The following CTSH variants were observed in gnomAD, a reference collection of about 807,000 sequenced individuals.
The protein encoded by CTSH is pro-cathepsin H.
CTSH carries 52 observed loss-of-function variants against 56.3 expected under a neutral mutation model. That is an observed-to-expected ratio of 0.92 (90% CI 0.74 to 1.16). The LOEUF (loss-of-function observed/expected upper bound fraction) is 1.16, where lower values mean the gene tolerates loss of function less well. Among genes scored for constraint, CTSH ranks in the 50% most tolerant of loss-of-function variants. The pLI, the probability that CTSH is intolerant of heterozygous loss-of-function variation, is 0.00. For synonymous variants in CTSH, 174 were observed against 155.7 expected (o/e 1.12, Z -0.88); for missense variants, 406 against 424.5 (o/e 0.96, Z 0.38).
chr15:78,931,762 G>A lies in CTSH; in HGVS notation c.493-256C>T, dbSNP rs539236083. ...AGGTGAGAGGGGGCAAGGGCTGTTG[G>A]GTCCAAACCCCTGCCCCGTAGGTGT... On this transcript the variant is annotated intron_variant, in intron 6 of 11. Transcript: ENST00000220166. 2.1e-6 allele frequency: 3 copies of A among 1,406,782 alleles called. No homozygotes were observed. In the South Asian group the frequency reaches 4.5e-5, roughly 21 times the overall value. The allele number at this position is 1,406,782 out of a possible 1,614,324, so 87.1% of individuals were successfully genotyped here.
intron 6 of CTSH, chr15:78,931,806 G>A: frequency 7.5e-7 from 1 of 1,341,032 alleles, no homozygotes; most frequent in Non-Finnish European, 9.6e-7. Context: ...GATGCAGAGT[G>A]TGGGGTCCCA....
Position 78,929,497 on chromosome 15 carries a change from CAAG to C in CTSH, c.549-7_549-5del, listed in dbSNP as rs1480520051. ...GAAAGCCTGGCTGGGGAGACCCCTG[CAAG>C]AAGTACACACAGGTGAGCCCACCTG... On this transcript the variant is annotated splice_polypyrimidine_tract_variant and splice_region_variant and intron_variant, in intron 7 of 11. Transcript: ENST00000220166. 1.2e-6 allele frequency: 2 copies of C among 1,607,986 alleles called. No homozygotes were observed. The highest frequency in any genetic ancestry group is 8.5e-7 in the Non-Finnish European group (1 of 1,176,744).
At chr15:78,935,873 CCTTT>C in intron 3 of CTSH, 123 bp from the exon 4 acceptor site, 1 of 650,216 alleles carries the variant, frequency 1.5e-6, no homozygotes, top group Non-Finnish European at 2.7e-6. Context: ...CAACCCATCT[CCTTT>C]AAGTTTTTGT....
chr15:78,922,454 G>A (rs1265816013), intron 11 of CTSH, among the ~76,000 whole-genome samples: 5 of 152,126 alleles, frequency 3.3e-5, no homozygotes, highest in Admixed American at 2.6e-4. Flanking sequence ...ATTTACCGAG[G>A]GCCCCCTCTT....
chr15:78,922,959 C>G (rs1193823363), intron 11 of CTSH, 34 bp downstream of exon 11: 1 of 1,589,126 alleles, frequency 6.3e-7, no homozygotes, highest in South Asian at 1.2e-5. Flanking sequence ...GAGCAACATC[C>G]CCCTCCCAGA....
Position 78,922,208 on chromosome 15 carries a change from G to A in CTSH, c.933-3C>T. The A allele has an allele frequency of 6.4e-7, 1 of 1,571,908 alleles. No individual in the cohort carries two copies. Among genetic ancestry groups the A allele is most frequent in the South Asian group, 1.2e-5 (1 of 85,414 alleles). Reference sequence around the variant, plus strand: ...TTCCGCGCTCGATGAGGAAGTACCTGGGCAGAAAGAGGAGCTGAGGCCCGG... The same window carrying A: ...TTCCGCGCTCGATGAGGAAGTACCTAGGCAGAAAGAGGAGCTGAGGCCCGG... On this transcript the variant is annotated splice_region_variant and splice_polypyrimidine_tract_variant and intron_variant, in intron 11 of 11. Transcript: ENST00000220166.
intron 9 of CTSH, 96 bp from the exon 10 acceptor site, chr15:78,925,536 C>T (rs1257886701): frequency 3.8e-6 from 3 of 790,856 alleles, no homozygotes; most frequent in South Asian, 1.5e-5. Flanking sequence ...GCTAGAGGCC[C>T]AGAGCAGCAT....
At chr15:78,937,718 G>T (rs1395675987) in intron 2 of CTSH, 7 of 1,360,088 alleles carry the variant, frequency 5.1e-6, no homozygotes, top group Non-Finnish European at 1.9e-6. Flanking sequence ...GGACGCCACT[G>T]CTGGTGCTGG....
rs60228571 is a variant in CTSH, at chr15:78,922,960, C to G, written c.932+33G>C. ...GGGCCTCCAGGCCTGAGCAACATCCCCCTCCCAGAAGTGGGACCTGGGAGC... is the reference window on the plus strand; with the variant it reads ...GGGCCTCCAGGCCTGAGCAACATCCGCCTCCCAGAAGTGGGACCTGGGAGC... On this transcript the variant is annotated intron_variant, in intron 11 of 11. Transcript: ENST00000220166. 3,835 of 1,589,684 alleles carry G rather than the reference C, an allele frequency of 2.4e-3. 91 individuals carry two copies. In the African/African-American group the frequency reaches 0.047, roughly 19 times the overall value.
Position 78,923,392 on chromosome 15 carries a change from C to T in CTSH, c.807-274G>A, listed in dbSNP as rs187949824. ...GCAACCTTCACCTCCAGGGTTCAAA[C>T]GATTCTCCTGCCTCAGACTCCCGAG... On this transcript the variant is annotated intron_variant, in intron 10 of 11. Coordinates refer to ENST00000220166, the MANE Select transcript of CTSH (RefSeq NM_004390.5). Among the ~76,000 whole-genome samples the T allele has an allele frequency of 4.4e-4, 67 of 152,290 alleles. No homozygotes were observed. The East Asian group carries it at 0.013, about 29-fold the overall frequency.
chr15:78,942,178 C>CT (rs1328217765), intron 1 of CTSH, among the ~76,000 whole-genome samples: 1 of 151,224 alleles, frequency 6.6e-6, no homozygotes, highest in Non-Finnish European at 1.5e-5. Context: ...CCATGGTGCT[C>CT]TATCACTCAG....
At chr15:78,939,912 T>C (rs944248187) in intron 1 of CTSH, among the ~76,000 whole-genome samples, 1 of 152,070 alleles carries the variant, frequency 6.6e-6, no homozygotes, top group Non-Finnish European at 1.5e-5. Context: ...AACAAACCTA[T>C]CTATTCCAAG....
At position 78,936,531 on chromosome 15, in the gene CTSH, C is replaced by T. The variant is rs75346332; in HGVS notation, c.230-781G>A. ...ACTGGGCAGAAATGAGGTTCAAGCC[C>T]AAGTTTCTTTCCAGCTCATGCTTGA... On this transcript the variant is annotated intron_variant, in intron 3 of 11. Coordinates refer to ENST00000220166, the MANE Select transcript of CTSH (RefSeq NM_004390.5). Among the ~76,000 whole-genome samples, 336 of 152,190 alleles carry T rather than the reference C, an allele frequency of 2.2e-3. 1 individual carries two copies. The highest frequency in any genetic ancestry group is 7.9e-3 in the African/African-American group (327 of 41,522).
chr15:78,935,928 G>C (rs953382100), intron 3 of CTSH, among the ~76,000 whole-genome samples, 178 bp from the exon 4 acceptor site: 2 of 152,192 alleles, frequency 1.3e-5, no homozygotes, highest in African/African-American at 4.8e-5. Flanking sequence ...AGCCCTTACA[G>C]TGCTGCCAAA....
At chr15:78,928,067 CAG>C (rs1184593894) in intron 8 of CTSH, among the ~76,000 whole-genome samples, 1 of 152,152 alleles carries the variant, frequency 6.6e-6, no homozygotes. Flanking sequence ...GAGGCCGAGT[CAG>C]AGCCTGTGAG....
In CTSH at chr15:78,930,680, A is replaced by G. The variant is rs562769203; in HGVS notation, c.548+771T>C. On this transcript the variant is annotated intron_variant, in intron 7 of 11. Transcript: ENST00000220166. ...GACCAAAAGTAAGGGGACACTGAGC[A>G]TGATGGTGGATCTGAGAGCAGGCTA... 1.1e-4 allele frequency among the ~76,000 whole-genome samples: 17 copies of G among 152,332 alleles called. No individual in the cohort carries two copies. The South Asian group carries it at 3.5e-3, about 32-fold the overall frequency.
chr15:78,932,606 A>T lies in CTSH; in HGVS notation c.406-148T>A, dbSNP rs1042288872. 4.8e-6 allele frequency: 3 copies of T among 624,484 alleles called. No homozygotes were observed. The African/African-American group carries it at 5.6e-5, about 12-fold the overall frequency. 38.7% of individuals were successfully genotyped at this position (624,484 alleles called of 1,614,324 possible). The stretch of plus-strand genomic sequence containing the variant: ...ACCAAGCCCTGTTCCAGATCCATTC[A>T]TTCTGAGCCTCGCAGGCCCTGTTCC... On this transcript the variant is annotated intron_variant, in intron 5 of 11. Transcript: ENST00000220166.
chr15:78,934,895 G>T, intron 5 of CTSH, 83 bp downstream of exon 5: 1 of 899,566 alleles, frequency 1.1e-6, no homozygotes, highest in South Asian at 1.3e-5. Context: ...GTGGTTTTGT[G>T]GACCTTTTGA....
At chr15:78,928,606 A>T (rs528576894) in intron 8 of CTSH, among the ~76,000 whole-genome samples, 1 of 147,846 alleles carries the variant, frequency 6.8e-6, no homozygotes, top group South Asian at 2.1e-4. Flanking sequence ...AGAGTAAAAG[A>T]GACAGGGAGA....
Sources: gnomAD v4.1 joint callset for allele counts (sites outside exome capture counted in the v4.1 genomes callset) on GRCh38, gnomAD v4.1.1 for gene constraint, MANE v1.5 for transcripts, NCBI Gene and HGNC (gene_info 2026-07-23, HGNC 2026-07-21) for gene names.